LRCH3: variants seen among roughly 807,000 people sequenced by gnomAD.
LRCH3 encodes leucine rich repeats and calponin homology domain containing 3, also known as DISP complex protein LRCH3.
A neutral mutation model predicts 104.5 loss-of-function variants in LRCH3; 68 were observed. The ratio of observed to expected loss-of-function variants is 0.65; its 90% CI spans 0.54 to 0.80. The LOEUF is 0.80. LRCH3 is among the 30% of genes least tolerant of loss of function. The pLI is 0.00. For missense variants in LRCH3, 951 were observed against 953.9 expected, an observed-to-expected ratio of 1.00 and a Z score of 0.04; for synonymous variants, 344 against 361.3, an observed-to-expected ratio of 0.95 and a Z score of 0.54.
chr3:197,805,966 G>A (rs935999618), intron 1 of LRCH3, among the ~76,000 whole-genome samples: 9 of 151,766 alleles, frequency 5.9e-5, no homozygotes, highest in Non-Finnish European at 2.9e-5. Context: ...CACTCTTGTT[G>A]CCCAGGCTGG....
At chr3:197,853,274 C>G (rs1300400694) in intron 13 of LRCH3, among the ~76,000 whole-genome samples, 2 of 151,992 alleles carry the variant, frequency 1.3e-5, no homozygotes, top group African/African-American at 4.8e-5. Flanking sequence ...GCTGCAACCT[C>G]CGACTCCCGG....
intron 1 of LRCH3, among the ~76,000 whole-genome samples, chr3:197,814,250 A>G (rs1279200479): frequency 6.6e-6 from 1 of 152,218 alleles, no homozygotes; most frequent in Non-Finnish European, 1.5e-5. Context: ...TGAGGCAGGA[A>G]CAAAAGTGGA....
At chr3:197,805,224 AT>A (rs1290410816) in intron 1 of LRCH3, among the ~76,000 whole-genome samples, 1 of 152,176 alleles carries the variant, frequency 6.6e-6, no homozygotes, top group Non-Finnish European at 1.5e-5. Flanking sequence ...CATTCAGAAT[AT>A]GTGATTGCTT....
intron 20 of LRCH3, among the ~76,000 whole-genome samples, chr3:197,879,123 C>CA (rs1377900670): frequency 1.3e-5 from 2 of 152,008 alleles, no homozygotes; most frequent in Admixed American, 6.6e-5. Context: ...ATGCTACATT[C>CA]AAAAAAACTG....
chr3:197,875,528 A>G (rs1712786804), intron 19 of LRCH3, among the ~76,000 whole-genome samples, 170 bp from the exon 20 acceptor site: 1 of 152,004 alleles, frequency 6.6e-6, no homozygotes, highest in Non-Finnish European at 1.5e-5. Flanking sequence ...ATGGCATGCA[A>G]CTATAGTCCC....
Position 197,791,427 on chromosome 3 carries a change from A to G in LRCH3, c.149A>G (p.Asp50Gly), listed in dbSNP as rs746859198. 1.0e-5 allele frequency: 16 copies of G among 1,594,518 alleles called. No individual in the cohort carries two copies. The highest frequency in any genetic ancestry group is 1.2e-5 in the Non-Finnish European group (14 of 1,172,102). ...FGPGSWSRSLDRALEEAAVTG... is the reference protein window; with the variant it reads ...FGPGSWSRSLGRALEEAAVTG... ...CCGGGCTCGTGGAGCCGCTCTCTCG[A>G]TCGAGCCCTGGAGGAGGCGGCGGTC... Residue 50 changes from aspartate (D) to glycine (G), a missense_variant, in exon 1 of 21, where the codon GAT (aspartate) becomes GGT (glycine). By Grantham distance (94) the Asp-to-Gly change is moderately conservative. Transcript: ENST00000425562.
At chr3:197,838,261 G>A (rs1199991610) in intron 9 of LRCH3, among the ~76,000 whole-genome samples, 1 of 152,160 alleles carries the variant, frequency 6.6e-6, no homozygotes, top group African/African-American at 2.4e-5. Flanking sequence ...CTCCAGATAA[G>A]CAAAAATTTT....
chr3:197,835,716 C>T lies in LRCH3; in HGVS notation c.1145C>T (p.Thr382Ile), dbSNP rs755053918. Residue 382 changes from threonine (T) to isoleucine (I), a missense_variant, in exon 9 of 21, where the codon ACC becomes ATC. Transcript: ENST00000425562. ...LDQIDYIDSC[T>I]AEEEEAEVRQ... Reference sequence around the variant, plus strand: ...CAGATTGACTACATAGACAGCTGCACCGCAGAGGAAGAGGAGGCCGAGGTG... The same window carrying T: ...CAGATTGACTACATAGACAGCTGCATCGCAGAGGAAGAGGAGGCCGAGGTG... 1 of 1,613,786 alleles carries T rather than the reference C, an allele frequency of 6.2e-7. No individual in the cohort carries two copies. The highest frequency in any genetic ancestry group is 8.5e-7 in the Non-Finnish European group (1 of 1,179,956).
intron 17 of LRCH3, among the ~76,000 whole-genome samples, 176 bp from the exon 18 acceptor site, chr3:197,869,984 C>T (rs879062504): frequency 5.7e-4 from 49 of 86,516 alleles, no homozygotes; most frequent in African/African-American, 1.4e-3. Flanking sequence ...GCACTGTACC[C>T]GCAGGAGGTA....
Position 197,860,564 on chromosome 3 carries a change from T to TA in LRCH3, c.1716+1664dup, listed in dbSNP as rs759858554. On this transcript the variant is annotated intron_variant, in intron 15 of 20. Coordinates refer to ENST00000425562, the MANE Select transcript of LRCH3 (RefSeq NM_001365715.1). ...CTGGGACAGTGCAAGACTGTGTCTC[T>TA]AAAAACATTAAAACCGAATTCTTGT... Among the ~76,000 whole-genome samples the TA allele has an allele frequency of 7.1e-4, 108 of 152,030 alleles. No homozygotes were observed. The Middle Eastern group carries it at 0.01, about 14-fold the overall frequency.
chr3:197,855,820 A>G (rs1423926580), intron 14 of LRCH3, among the ~76,000 whole-genome samples: 1 of 152,240 alleles, frequency 6.6e-6, no homozygotes, highest in African/African-American at 2.4e-5. Flanking sequence ...CTGATCCTCC[A>G]AATTAGACGG....
rs1011102840 is a variant in LRCH3, at chr3:197,884,326, C to G, written c.*660C>G. The G allele has an allele frequency of 1.3e-5, 2 of 152,208 alleles. No individual in the cohort carries two copies. The highest frequency in any genetic ancestry group is 2.9e-5 in the Non-Finnish European group (2 of 68,102). The allele number at this position is 152,208 out of a possible 1,614,324, so 9.4% of individuals were successfully genotyped here. ...CCCGCCACCATGCCTGGCTAATTTT[C>G]TTGTATTTTTAGTAGAGATGGGATT... On this transcript the variant is annotated 3_prime_UTR_variant, in exon 21 of 21. Coordinates refer to ENST00000425562, the MANE Select transcript of LRCH3 (RefSeq NM_001365715.1).
intron 10 of LRCH3, among the ~76,000 whole-genome samples, chr3:197,841,509 A>G (rs774970321): frequency 6.6e-6 from 1 of 152,198 alleles, no homozygotes; most frequent in East Asian, 1.9e-4. Flanking sequence ...TTTTAAGGCC[A>G]GCTGATTAGT....
In LRCH3 at chr3:197,887,745, C is replaced by T. The variant is rs1159570845; in HGVS notation, c.*4079C>T. ...CTGACAGTGTCTGGGGCTGAGAGCC[C>T]CCCAGCAGAGCCCTTCCCATCACTG... On this transcript the variant is annotated 3_prime_UTR_variant, in exon 21 of 21. Coordinates refer to ENST00000425562, the MANE Select transcript of LRCH3 (RefSeq NM_001365715.1). 2 of 148,564 alleles carry T rather than the reference C, an allele frequency of 1.3e-5. No individual in the cohort carries two copies. Among genetic ancestry groups the T allele is most frequent in the African/African-American group, 2.6e-5 (1 of 38,162 alleles). The allele number at this position is 148,564 out of a possible 1,614,324, so 9.2% of individuals were successfully genotyped here.
intron 1 of LRCH3, among the ~76,000 whole-genome samples, chr3:197,804,917 C>G (rs1732303449): frequency 6.7e-6 from 1 of 149,910 alleles, no homozygotes; most frequent in Admixed American, 6.6e-5. Flanking sequence ...TTTTTTGAGA[C>G]AGAGTCTCAC....
chr3:197,868,079 G>GT (rs1711559426), intron 17 of LRCH3, among the ~76,000 whole-genome samples: 1 of 152,096 alleles, frequency 6.6e-6, no homozygotes, highest in South Asian at 2.1e-4. Context: ...TGCATTCACA[G>GT]TAAGATTTAA....
intron 1 of LRCH3, 41 bp downstream of exon 1, chr3:197,791,581 G>C: frequency 6.7e-7 from 1 of 1,491,580 alleles, no homozygotes; most frequent in Non-Finnish European, 8.8e-7. Context: ...CGGAGACCCG[G>C]CGCCGGGAGC....
chr3:197,800,399 G>A (rs894851125), intron 1 of LRCH3, among the ~76,000 whole-genome samples: 4 of 152,264 alleles, frequency 2.6e-5, no homozygotes, highest in Admixed American at 2.0e-4. Context: ...TACTAAAGAG[G>A]AATTCCAAGT....
At chr3:197,852,884 C>T (rs1739803393) in intron 13 of LRCH3, among the ~76,000 whole-genome samples, 3 of 152,118 alleles carry the variant, frequency 2.0e-5, no homozygotes, top group African/African-American at 7.2e-5. Flanking sequence ...TCCCCGTCTC[C>T]TCCACTTTTG....
Sources: gnomAD v4.1 joint callset for allele counts (sites outside exome capture counted in the v4.1 genomes callset) on GRCh38, gnomAD v4.1.1 for gene constraint, MANE v1.5 for transcripts, NCBI Gene and HGNC (gene_info 2026-07-23, HGNC 2026-07-21) for gene names.